Variants in CDH12 observed in about 807,000 individuals in gnomAD.
CDH12 encodes the protein cadherin 12.
A neutral mutation model predicts 74.1 loss-of-function variants in CDH12; 41 were observed. The observed-to-expected ratio is 0.55, with a 90% confidence interval of 0.43 to 0.72. The LOEUF (loss-of-function observed/expected upper bound fraction) is 0.72, where lower values mean the gene tolerates loss of function less well. Ranked by LOEUF, CDH12 falls within the 30% of genes least tolerant of loss-of-function variation. CDH12 has a pLI of 0.00. For synonymous variants in CDH12, 399 were observed against 355.0 expected (o/e 1.12, Z -1.39); for missense variants, 945 against 977.2 (o/e 0.97, Z 0.44).
intron 1 of CDH12, among the ~76,000 whole-genome samples, chr5:22,523,873 C>T (rs905609176): frequency 2.0e-5 from 3 of 152,050 alleles, no homozygotes; most frequent in Admixed American, 2.0e-4. Context: ...TAAGTCAGAT[C>T]TCATTAGATT....
chr5:21,880,105 A>G (rs1752161017), intron 6 of CDH12, among the ~76,000 whole-genome samples: 1 of 152,190 alleles, frequency 6.6e-6, no homozygotes, highest in Non-Finnish European at 1.5e-5. Context: ...GTCAGTTCCA[A>G]GTTATCAGCT....
intron 4 of CDH12, among the ~76,000 whole-genome samples, chr5:22,180,917 C>T (rs542672708): frequency 3.9e-5 from 6 of 152,184 alleles, no homozygotes; most frequent in Non-Finnish European, 7.4e-5. Flanking sequence ...ATTTGTTAGA[C>T]ATCAAAAGGC....
intron 13 of CDH12, among the ~76,000 whole-genome samples, chr5:21,759,276 A>G (rs1744579438): frequency 6.6e-6 from 1 of 151,742 alleles, no homozygotes; most frequent in Non-Finnish European, 1.5e-5. Context: ...TAATGATTAG[A>G]GTTTCATTTA....
intron 1 of CDH12, among the ~76,000 whole-genome samples, chr5:22,754,270 T>C (rs1172690510): frequency 6.6e-6 from 1 of 152,204 alleles, no homozygotes. Flanking sequence ...GACGACACTT[T>C]CGTGTTCTTG....
At chr5:22,034,810 T>C (rs1436441975) in intron 5 of CDH12, among the ~76,000 whole-genome samples, 2 of 152,150 alleles carry the variant, frequency 1.3e-5, no homozygotes, top group Non-Finnish European at 2.9e-5. Flanking sequence ...ATTAAAACTA[T>C]ATGGGAGTCT....
intron 4 of CDH12, among the ~76,000 whole-genome samples, chr5:22,093,051 T>C (rs2150240280): frequency 6.6e-6 from 1 of 152,206 alleles, no homozygotes; most frequent in South Asian, 2.1e-4. Flanking sequence ...ATAGGGGCTA[T>C]TATCCAGAGG....
chr5:22,496,475 T>G (rs1747108883), intron 2 of CDH12, among the ~76,000 whole-genome samples: 1 of 152,204 alleles, frequency 6.6e-6, no homozygotes, highest in Non-Finnish European at 1.5e-5. Context: ...TTTTGTGAAT[T>G]TGGAACTAGG....
intron 1 of CDH12, among the ~76,000 whole-genome samples, chr5:22,827,956 A>G (rs888552716): frequency 6.6e-6 from 1 of 152,148 alleles, no homozygotes; most frequent in Non-Finnish European, 1.5e-5. Context: ...TCTACTAAAT[A>G]CTTAATAAAA....
rs187615340 is a variant in CDH12 at position 22,041,646 on chromosome 5, G to A, written c.231+36800C>T. Among the ~76,000 whole-genome samples the A allele has an allele frequency of 7.0e-4, 107 of 152,192 alleles. 1 individual carries two copies. Among genetic ancestry groups the A allele is most frequent in the Admixed American group, 1.9e-3 (29 of 15,286 alleles). On this transcript the variant is annotated intron_variant, in intron 5 of 14. Transcript: ENST00000382254. Reference sequence around the variant, plus strand: ...AATTATATATGCACCTAACATCAGAGTGCCTAAATATATATGTAGCAAATA... The same window carrying A: ...AATTATATATGCACCTAACATCAGAATGCCTAAATATATATGTAGCAAATA...
intron 4 of CDH12, among the ~76,000 whole-genome samples, chr5:22,179,268 T>C (rs976439958): frequency 6.6e-6 from 1 of 152,142 alleles, no homozygotes; most frequent in African/African-American, 2.4e-5. Flanking sequence ...GAAAGCAAAA[T>C]TAATTTGCTT....
chr5:22,026,323 C>T (rs1738349539), intron 5 of CDH12, among the ~76,000 whole-genome samples: 1 of 152,152 alleles, frequency 6.6e-6, no homozygotes, highest in Non-Finnish European at 1.5e-5. Flanking sequence ...AGACACCCTG[C>T]TTTAGGTACA....
intron 4 of CDH12, among the ~76,000 whole-genome samples, chr5:22,105,457 G>A (rs1744379910): frequency 6.6e-6 from 1 of 150,754 alleles, no homozygotes; most frequent in Admixed American, 6.6e-5. Flanking sequence ...CAGCACTTTG[G>A]GAGGCCAAGG....
chr5:22,790,246 G>A (rs1024079573), intron 1 of CDH12, among the ~76,000 whole-genome samples: 1 of 152,036 alleles, frequency 6.6e-6, no homozygotes, highest in Non-Finnish European at 1.5e-5. Context: ...AGAAATAACA[G>A]AGGGGAAAAA....
chr5:21,988,491 C>CAAAAAAAAA (rs1157872208), intron 5 of CDH12, among the ~76,000 whole-genome samples: 7 of 29,500 alleles, frequency 2.4e-4, no homozygotes, highest in Non-Finnish European at 3.8e-4. Context: ...GACTCCGTCT[C>CAAAAAAAAA]AAAAAAAAAA....
intron 1 of CDH12, among the ~76,000 whole-genome samples, chr5:22,762,180 A>G (rs912678233): frequency 2.6e-5 from 4 of 152,118 alleles, no homozygotes; most frequent in Non-Finnish European, 5.9e-5. Flanking sequence ...ACAAACTCAC[A>G]TGCATCTATG....
At chr5:22,759,755 A>T (rs1746110651) in intron 1 of CDH12, among the ~76,000 whole-genome samples, 1 of 152,228 alleles carries the variant, frequency 6.6e-6, no homozygotes, top group African/African-American at 2.4e-5. Context: ...AAACAATAGG[A>T]TGTGAATTTA....
At position 22,072,668 on chromosome 5, in the gene CDH12, C is replaced by T. The variant is rs76896010; in HGVS notation, c.231+5778G>A. Among the ~76,000 whole-genome samples the T allele has an allele frequency of 5.7e-4, 86 of 151,964 alleles. No homozygotes were observed. The East Asian group carries it at 0.015, about 26-fold the overall frequency. On this transcript the variant is annotated intron_variant, in intron 5 of 14. Transcript: ENST00000382254. ...ATACATGTGCCATGTTGGTGTGCTG[C>T]ACCCATTAACTCGTCATTTACATTA...
At chr5:22,182,705 T>C (rs6865563) in intron 4 of CDH12, among the ~76,000 whole-genome samples, 86,087 of 151,890 alleles carry the variant, frequency 0.57, 24,909 homozygotes, top group East Asian at 0.76. Flanking sequence ...GCACAGCAGT[T>C]GGGTTATAGA....
rs566129033 is a variant in CDH12 at position 22,152,793 on chromosome 5, A to G, written c.-187+59705T>C. ...CCCTACTCACTCCTCAAATATCCCT[A>G]CTCTTGGAAACCACTGTTCTCCTCT... is the stretch of plus-strand genomic sequence containing the variant. On this transcript the variant is annotated intron_variant, in intron 4 of 14. Coordinates refer to ENST00000382254, the MANE Select transcript of CDH12 (RefSeq NM_004061.5). Among the ~76,000 whole-genome samples the G allele has an allele frequency of 2.6e-5, 4 of 151,968 alleles. No individual in the cohort carries two copies. The South Asian group carries it at 6.2e-4, about 24-fold the overall frequency.
Sources: allele counts gnomAD v4.1 joint callset (sites outside exome capture counted in the v4.1 genomes callset), GRCh38; gene constraint gnomAD v4.1.1; transcripts MANE v1.5; gene names NCBI Gene and HGNC (gene_info 2026-07-23, HGNC 2026-07-21).